The following FGF14 variants were observed in gnomAD, a reference collection of about 807,000 sequenced individuals.
FGF14 encodes the protein fibroblast growth factor 14, also known as fibroblast growth factor homologous factor 4.
FGF14 carries 5 observed loss-of-function variants against 25.5 expected under a neutral mutation model. The ratio of observed to expected loss-of-function variants is 0.20; its 90% confidence interval spans 0.10 to 0.41. The LOEUF (loss-of-function observed/expected upper bound fraction) is 0.41, where lower values mean the gene tolerates loss of function less well. Ranked by LOEUF, FGF14 falls within the 10% of genes least tolerant of loss-of-function variation. The pLI is 1.00. For synonymous variants in FGF14, 138 were observed against 118.3 expected, an observed-to-expected ratio of 1.17 and a Z score of -1.08; for missense variants, 222 against 320.1, an observed-to-expected ratio of 0.69 and a Z score of 2.34.
chr13:102,175,259 G>A (rs2048400274), intron 1 of FGF14, among the ~76,000 whole-genome samples: 1 of 152,072 alleles, frequency 6.6e-6, no homozygotes, highest in Non-Finnish European at 1.5e-5. Context: ...TAGATCAGTG[G>A]ATCAGAATAG....
intron 1 of FGF14, among the ~76,000 whole-genome samples, chr13:101,880,722 G>T (rs370521336): frequency 1.1e-4 from 17 of 152,244 alleles, no homozygotes; most frequent in African/African-American, 4.1e-4. Flanking sequence ...ATGTCTTTCT[G>T]CTCTGCAAAT....
chr13:102,196,957 G>GTT (rs60053028), intron 1 of FGF14, among the ~76,000 whole-genome samples: 3 of 149,732 alleles, frequency 2.0e-5, no homozygotes, highest in South Asian at 2.1e-4. Context: ...TGTTTTTTTG[G>GTT]TTTTTTTTTT....
chr13:102,150,154 G>A (rs1360162966), intron 1 of FGF14, among the ~76,000 whole-genome samples: 4 of 152,124 alleles, frequency 2.6e-5, no homozygotes, highest in African/African-American at 7.2e-5. Context: ...CTCCATGACT[G>A]CAGTCAAGTC....
intron 1 of FGF14, among the ~76,000 whole-genome samples, chr13:102,279,534 T>C (rs1212760740): frequency 6.6e-6 from 1 of 152,206 alleles, no homozygotes; most frequent in Non-Finnish European, 1.5e-5. Context: ...TATTACTTTG[T>C]TCCTCATTTT....
At chr13:102,056,910 A>G (rs1189753410) in intron 1 of FGF14, among the ~76,000 whole-genome samples, 1 of 151,152 alleles carries the variant, frequency 6.6e-6, no homozygotes, top group African/African-American at 2.4e-5. Context: ...AATTTTAGAA[A>G]AGTAATGATT....
chr13:101,962,812 T>G (rs2036948409), intron 1 of FGF14, among the ~76,000 whole-genome samples: 1 of 152,218 alleles, frequency 6.6e-6, no homozygotes, highest in Admixed American at 6.5e-5. Flanking sequence ...TCCAGCTTGC[T>G]GCTCCGTTTC....
chr13:102,341,825 T>C (rs553622246), intron 1 of FGF14, among the ~76,000 whole-genome samples: 19 of 152,186 alleles, frequency 1.2e-4, no homozygotes, highest in African/African-American at 3.4e-4. Context: ...CCTGGAGAGA[T>C]TGATGAGTGA....
intron 1 of FGF14, among the ~76,000 whole-genome samples, chr13:102,098,416 A>AT (rs2044507403): frequency 6.6e-6 from 1 of 152,158 alleles, no homozygotes; most frequent in African/African-American, 2.4e-5. Context: ...ATAAGTATCA[A>AT]CTTTTTTATT....
At chr13:101,860,265 G>A (rs900653343) in intron 3 of FGF14, among the ~76,000 whole-genome samples, 3 of 151,958 alleles carry the variant, frequency 2.0e-5, no homozygotes, top group Non-Finnish European at 4.4e-5. Context: ...CTTGGTGCTC[G>A]AGGAGACATT....
chr13:102,039,128 A>T lies in FGF14; in HGVS notation c.209-163832T>A, dbSNP rs535338647. ...GCAGGGAAGCTTGAACTTGAATTCA[A>T]TTCAGATTTAAAGTCTATCTCTCGC... On this transcript the variant is annotated intron_variant, in intron 1 of 4. Coordinates refer to the FGF14 transcript ENST00000376131. 1.4e-3 allele frequency among the ~76,000 whole-genome samples: 215 copies of T among 152,318 alleles called. 1 individual carries two copies. The highest frequency in any genetic ancestry group is 2.7e-3 in the Non-Finnish European group (185 of 68,026).
chr13:102,083,747 C>T (rs562852587), intron 1 of FGF14, among the ~76,000 whole-genome samples: 159 of 152,338 alleles, frequency 1.0e-3, no homozygotes, highest in Non-Finnish European at 1.7e-3. Flanking sequence ...CCAACTGCCG[C>T]GGGCACACTT....
At chr13:102,325,932 A>G (rs1184681458) in intron 1 of FGF14, among the ~76,000 whole-genome samples, 2 of 152,212 alleles carry the variant, frequency 1.3e-5, no homozygotes, top group African/African-American at 2.4e-5. Flanking sequence ...CTAAATACCT[A>G]TAATTTTTTT....
At chr13:101,796,611 T>C (rs1293283671) in intron 3 of FGF14, among the ~76,000 whole-genome samples, 2 of 151,904 alleles carry the variant, frequency 1.3e-5, no homozygotes, top group Non-Finnish European at 2.9e-5. Flanking sequence ...CCTAATCCAA[T>C]AGTATTGGTA....
intron 1 of FGF14, among the ~76,000 whole-genome samples, chr13:101,965,627 G>T (rs1286679638): frequency 6.6e-6 from 1 of 150,778 alleles, no homozygotes; most frequent in Non-Finnish European, 1.5e-5. Flanking sequence ...TGTTTTCCAG[G>T]ATCTAATGTT....
chr13:102,035,450 G>A (rs2041424071), intron 1 of FGF14, among the ~76,000 whole-genome samples: 1 of 152,046 alleles, frequency 6.6e-6, no homozygotes, highest in Non-Finnish European at 1.5e-5. Context: ...TTAGCTACTT[G>A]CTCTTGGGCT....
chr13:101,936,430 G>A (rs550620797), intron 1 of FGF14, among the ~76,000 whole-genome samples: 1 of 152,310 alleles, frequency 6.6e-6, no homozygotes, highest in South Asian at 2.1e-4. Context: ...AGTCACCATG[G>A]ATTTCAGAAC....
At chr13:102,073,365 TGCAGCAG>T (rs1477938421) in intron 1 of FGF14, among the ~76,000 whole-genome samples, 1 of 152,318 alleles carries the variant, frequency 6.6e-6, no homozygotes, top group East Asian at 1.9e-4. Flanking sequence ...TATTCCAACA[TGCAGCAG>T]GCAGCAGGCC....
upstream of FGF14, among the ~76,000 whole-genome samples, chr13:101,917,322 C>T (rs147736969): frequency 2.0e-5 from 3 of 152,164 alleles, no homozygotes; most frequent in Non-Finnish European, 4.4e-5. Context: ...TGTGGTCCCC[C>T]TCCTGATGTA....
In FGF14 at chr13:101,916,859, A is replaced by G. The variant is rs1369464627; in HGVS notation, c.-214T>C. Among the ~76,000 whole-genome samples the G allele has an allele frequency of 6.6e-6, 1 of 152,096 alleles. No individual in the cohort carries two copies. The highest frequency in any genetic ancestry group is 1.5e-5 in the Non-Finnish European group (1 of 67,984). ...CGGGGCCAGGCGCGCAGATGCGCCC[A>G]GGGCGCAGCCGGACGATCCCGGGAA... On this transcript the variant is annotated 5_prime_UTR_variant, in exon 1 of 5. Coordinates refer to ENST00000376143, the MANE Select transcript of FGF14 (RefSeq NM_004115.4).
Sources: gnomAD v4.1 joint callset for allele counts (sites outside exome capture counted in the v4.1 genomes callset) on GRCh38, gnomAD v4.1.1 for gene constraint, MANE v1.5 for transcripts, NCBI Gene and HGNC (gene_info 2026-07-23, HGNC 2026-07-21) for gene names.